PRDM15: variants seen among roughly 807,000 people sequenced by gnomAD.
PRDM15 encodes the protein PR/SET domain 15, also known as PR domain zinc finger protein 15.
A neutral mutation model predicts 128.6 loss-of-function variants in PRDM15; 64 were observed. The ratio of observed to expected loss-of-function variants is 0.50; its 90% CI spans 0.41 to 0.61. The LOEUF (loss-of-function observed/expected upper bound fraction) is 0.61, where lower values mean the gene tolerates loss of function less well. PRDM15 is among the 20% of genes least tolerant of loss of function. The probability of loss-of-function intolerance (pLI) is 0.00; values close to 1 mark genes in which losing one functional copy is unlikely to be tolerated. For missense variants in PRDM15, 1,242 were observed against 1,569.1 expected (o/e 0.79, Z 3.52); for synonymous variants, 615 against 621.8 (o/e 0.99, Z 0.16).
intron 8 of PRDM15, 135 bp downstream of exon 8, chr21:41,837,799 G>T: frequency 1.3e-6 from 1 of 766,210 alleles, no homozygotes; most frequent in Non-Finnish European, 2.2e-6. Flanking sequence ...CATTCCTGCT[G>T]CCTCCTCAGC....
chr21:41,812,646 A>C (rs2061902002), intron 19 of PRDM15: 1 of 152,198 alleles, frequency 6.6e-6, no homozygotes, highest in Non-Finnish European at 1.5e-5. Flanking sequence ...GACATCCAAG[A>C]GCAAGCATCC....
At chr21:41,817,122 A>T (rs953001253) in intron 18 of PRDM15, among the ~76,000 whole-genome samples, 4 of 152,260 alleles carry the variant, frequency 2.6e-5, no homozygotes, top group Admixed American at 6.5e-5. Flanking sequence ...ATCTGCCAAC[A>T]GTTTCAAAAT....
In PRDM15 at chr21:41,815,774, C is replaced by T. The variant is rs1462113803; in HGVS notation, c.2323G>A (p.Glu775Lys). The change falls in exon 19 of 24, where the codon GAG (glutamate) becomes AAG (lysine). Residue 775 changes from glutamate (E) to lysine (K), a missense_variant. Transcript: ENST00000398548. Reference sequence around the variant, plus strand: ...AACCTGCGGTGGCACTCCTTGCACTCGTACTCCTTGATGCCCTTGTGCAGC... The same window carrying T: ...AACCTGCGGTGGCACTCCTTGCACTTGTACTCCTTGATGCCCTTGTGCAGC... ...MKLHKGIKEYECKECHRRFAQ... is the reference protein window; with the variant it reads ...MKLHKGIKEYKCKECHRRFAQ... 5 of 1,614,102 alleles carry T rather than the reference C, an allele frequency of 3.1e-6. No homozygotes were observed. Among genetic ancestry groups the T allele is most frequent in the Admixed American group, 1.7e-5 (1 of 60,032 alleles).
intron 8 of PRDM15, 64 bp from the exon 9 acceptor site, chr21:41,836,713 G>T: frequency 7.1e-7 from 1 of 1,408,216 alleles, no homozygotes; most frequent in Non-Finnish European, 9.8e-7. Flanking sequence ...GTTACAAGCA[G>T]CATGAAAACG....
chr21:41,878,756 TG>T, intron 1 of PRDM15: 1 of 1,543,636 alleles, frequency 6.5e-7, no homozygotes, highest in Non-Finnish European at 8.7e-7. Context: ...GCGACCCGCA[TG>T]GGCTGTACCC....
At position 41,878,982 on chromosome 21, in the gene PRDM15, C is replaced by A. The variant is rs1015964727; in HGVS notation, c.-10+288G>T. 1.4e-4 allele frequency: 140 copies of A among 998,256 alleles called. 2 individuals carry two copies. In the African/African-American group the frequency reaches 2.4e-3, roughly 17 times the overall value. 61.8% of individuals were successfully genotyped at this position (998,256 alleles called of 1,614,324 possible). A position where few individuals can be genotyped will look rare whatever the true frequency, so the allele number is the denominator to read the frequency against. ...GGCGCGGAGCCCGGCCAGGAGCGCCCGCGGCGGCGGGACCCGGCGGGCGGG... is the reference window on the plus strand; with the variant it reads ...GGCGCGGAGCCCGGCCAGGAGCGCCAGCGGCGGCGGGACCCGGCGGGCGGG... On this transcript the variant is annotated intron_variant, in intron 1 of 23. Transcript: ENST00000398548.
chr21:41,812,987 G>A (rs77829175), intron 19 of PRDM15: 9,997 of 152,414 alleles, frequency 0.066, 430 homozygotes, highest in Middle Eastern at 0.13. Context: ...ACAGGGAGGA[G>A]GCCAAAGGGG....
intron 5 of PRDM15, among the ~76,000 whole-genome samples, chr21:41,851,778 T>C (rs979237205): frequency 6.6e-6 from 1 of 152,112 alleles, no homozygotes; most frequent in Admixed American, 6.6e-5. Context: ...AGCCAGTGAG[T>C]GGAATCGCCA....
chr21:41,830,571 CACACACACCACACACCTCATATTCA>C (rs2062652641), intron 11 of PRDM15, among the ~76,000 whole-genome samples: 1 of 151,376 alleles, frequency 6.6e-6, no homozygotes, highest in South Asian at 2.1e-4. Context: ...ATACACTCAA[CACACACACCACACACCTCATATTCA>C]ACACACACCA....
At position 41,828,058 on chromosome 21, in the gene PRDM15, C is replaced by T. The variant is rs759870056; in HGVS notation, c.1534+108G>A. On this transcript the variant is annotated intron_variant, in intron 12 of 23. Transcript: ENST00000398548. This position sits in a 1 kb window ranked among gnomAD's most constrained non-coding sequence, Gnocchi z 5.7. ...GGGCGTTTCCAGGCAAAGGAGCAGG[C>T]GGCACCGAACTGCTCCCCAAAGGCC... is the stretch of plus-strand genomic sequence containing the variant. 27 of 1,108,286 alleles carry T rather than the reference C, an allele frequency of 2.4e-5. No individual in the cohort carries two copies. The highest frequency in any genetic ancestry group is 1.5e-4 in the African/African-American group (10 of 64,824). The allele number at this position is 1,108,286 out of a possible 1,614,324, so 68.7% of individuals were successfully genotyped here. A position where few individuals can be genotyped will look rare whatever the true frequency, so the allele number is the denominator to read the frequency against.
chr21:41,837,469 A>G (rs1461672584), intron 8 of PRDM15, among the ~76,000 whole-genome samples: 1 of 152,190 alleles, frequency 6.6e-6, no homozygotes, highest in African/African-American at 2.4e-5. Flanking sequence ...TTCCACTTAT[A>G]AGACATCTCT....
At chr21:41,818,583 G>C (rs1447271568) in intron 18 of PRDM15, among the ~76,000 whole-genome samples, 1 of 152,186 alleles carries the variant, frequency 6.6e-6, no homozygotes, top group Non-Finnish European at 1.5e-5. Context: ...CCCCCTTTCT[G>C]GCCTTTTCTG....
At chr21:41,815,164 G>T (rs943374225) in intron 19 of PRDM15, among the ~76,000 whole-genome samples, 4 of 151,630 alleles carry the variant, frequency 2.6e-5, no homozygotes, top group Non-Finnish European at 5.9e-5. Context: ...CTAAGATCTT[G>T]GCCTTGTGTT....
Position 41,859,729 on chromosome 21 carries a change from CACCTA to C in PRDM15, c.38-49_38-45del, listed in dbSNP as rs763367772. 8.7e-5 allele frequency: 135 copies of C among 1,546,846 alleles called. No individual in the cohort carries two copies. The highest frequency in any genetic ancestry group is 1.1e-4 in the Non-Finnish European group (129 of 1,124,464). On this transcript the variant is annotated intron_variant, in intron 2 of 23. Coordinates refer to ENST00000398548, the MANE Select transcript of PRDM15 (RefSeq NM_001040424.3). The surrounding 1 kb of genome is among the most constrained non-coding windows in gnomAD (Gnocchi z 5.3). ...GCATTAGAGCACCCAGGGAGGGAGA[CACCTA>C]AAGAACACAAACCTGGGAAATGGGG...
chr21:41,820,915 C>T lies in PRDM15; in HGVS notation c.2060+152G>A, dbSNP rs141231692. 1,870 of 969,750 alleles carry T rather than the reference C, an allele frequency of 1.9e-3. 31 individuals are homozygous for T. Among genetic ancestry groups the T allele is most frequent in the South Asian group, 0.018 (1,243 of 68,842 alleles). The allele number at this position is 969,750 out of a possible 1,614,324, so 60.1% of individuals were successfully genotyped here. A position where few individuals can be genotyped will look rare whatever the true frequency, so the allele number is the denominator to read the frequency against. Reference sequence around the variant, plus strand: ...CTGCTGCCCCTAGCCCAGCTGCCCCCGAGCCCTGCTGCGCCCCCAGCTCTG... The same window carrying T: ...CTGCTGCCCCTAGCCCAGCTGCCCCTGAGCCCTGCTGCGCCCCCAGCTCTG... On this transcript the variant is annotated intron_variant, in intron 16 of 23. Coordinates refer to ENST00000398548, the MANE Select transcript of PRDM15 (RefSeq NM_001040424.3).
At chr21:41,869,341 C>T (rs919163387) in intron 1 of PRDM15, among the ~76,000 whole-genome samples, 7 of 152,180 alleles carry the variant, frequency 4.6e-5, no homozygotes, top group Admixed American at 6.5e-5. Context: ...AGTGCAGTGG[C>T]GCGATCTCGG....
Position 41,821,206 on chromosome 21 carries a change from A to G in PRDM15, c.1921T>C (p.Tyr641His). The G allele has an allele frequency of 6.2e-7, 1 of 1,613,374 alleles. No individual in the cohort carries two copies. Among genetic ancestry groups the G allele is most frequent in the Non-Finnish European group, 8.5e-7 (1 of 1,179,798 alleles). Residue 641 changes from tyrosine (Y) to histidine (H), a missense_variant, in exon 16 of 24, where the codon TAC becomes CAC. Coordinates refer to ENST00000398548, the MANE Select transcript of PRDM15 (RefSeq NM_001040424.3). The surrounding 1 kb of genome is among the most constrained non-coding windows in gnomAD (Gnocchi z 5.4). ...TGCACCTCCATGATGTGCTTCAGGT[A>G]CTCCTTCCCCCGGCCGAAGGTGAGC... is the stretch of plus-strand genomic sequence containing the variant. The part of the protein sequence containing the change: ...CQLTFGRGKE[Y>H]LKHIMEVHKE...
intron 1 of PRDM15, among the ~76,000 whole-genome samples, chr21:41,866,396 C>A (rs908499211): frequency 6.6e-6 from 1 of 152,250 alleles, no homozygotes; most frequent in African/African-American, 2.4e-5. Flanking sequence ...CAATGACCTG[C>A]GCTTGGCCTC....
At chr21:41,819,809 G>A (rs987898115) in intron 17 of PRDM15, 108 bp from the exon 18 acceptor site, 39 of 1,409,182 alleles carry the variant, frequency 2.8e-5, no homozygotes, top group African/African-American at 7.1e-5. Flanking sequence ...AGCTAGAAGC[G>A]CAGTAACAGG....
Sources: gnomAD v4.1 joint callset for allele counts (sites outside exome capture counted in the v4.1 genomes callset) on GRCh38, gnomAD v4.1.1 for gene constraint, Gnocchi (gnomAD v3.1) non-coding constraint, MANE v1.5 for transcripts, NCBI Gene and HGNC (gene_info 2026-07-23, HGNC 2026-07-21) for gene names.